The following PDZD2 variants were observed in gnomAD, a reference collection of about 807,000 sequenced individuals.
PDZD2 encodes PDZ domain containing 2, also known as PDZ domain-containing protein 2.
A neutral mutation model predicts 220.7 loss-of-function variants in PDZD2; 90 were observed. The ratio of observed to expected loss-of-function variants is 0.41; its 90% CI spans 0.34 to 0.49. The LOEUF is 0.49. Ranked by LOEUF, PDZD2 falls within the 20% of genes least tolerant of loss-of-function variation. PDZD2 has a pLI of 0.28. For synonymous variants in PDZD2, 1,375 were observed against 1,450.5 expected (o/e 0.95, Z 1.18); for missense variants, 3,174 against 3,608.5 (o/e 0.88, Z 3.08).
chr5:32,105,011 T>G (rs974333926), intron 24 of PDZD2, among the ~76,000 whole-genome samples: 1 of 151,806 alleles, frequency 6.6e-6, no homozygotes, highest in African/African-American at 2.4e-5. Context: ...GGCACGCACC[T>G]ATAGTCCCAG....
rs1742628994 is a variant in PDZD2 at position 32,087,678 on chromosome 5, C to T, written c.4230C>T (p.Val1410=). ...TDNTKEACGH[V]SGHCCPGGSR... is the part of the protein sequence containing the mutation. ...ACACCAAAGAAGCATGTGGCCATGT[C>T]TCGGGGCACTGCTGCCCAGGGGGGA... Residue 1410 remains valine (V), a synonymous_variant, in exon 20 of 25, where the codon GTC becomes GTT. Transcript: ENST00000438447. This position sits in a 1 kb window ranked among gnomAD's most constrained non-coding sequence, Gnocchi z 4.0. 1 of 1,614,062 alleles carries T rather than the reference C, an allele frequency of 6.2e-7. No homozygotes were observed. The highest frequency in any genetic ancestry group is 1.3e-5 in the African/African-American group (1 of 74,944).
chr5:31,713,810 G>C (rs1483246708), intron 1 of PDZD2, among the ~76,000 whole-genome samples: 1 of 152,178 alleles, frequency 6.6e-6, no homozygotes, highest in Admixed American at 6.5e-5. Context: ...GCCTCCCAAA[G>C]CGCTGGGATT....
intron 2 of PDZD2, among the ~76,000 whole-genome samples, chr5:31,961,131 G>C (rs1052426727): frequency 2.0e-5 from 3 of 152,190 alleles, no homozygotes; most frequent in Admixed American, 2.0e-4. Context: ...TGCAGGCTGG[G>C]GGAGTTATGT....
intron 3 of PDZD2, among the ~76,000 whole-genome samples, chr5:31,984,971 T>G (rs755256761): frequency 3.3e-5 from 5 of 152,166 alleles, no homozygotes; most frequent in South Asian, 2.1e-4. Context: ...ATTATGTTCC[T>G]TCATTTGAGG....
intron 5 of PDZD2, among the ~76,000 whole-genome samples, chr5:32,003,374 CA>C (rs1752515241): frequency 1.3e-5 from 1 of 76,366 alleles, no homozygotes; most frequent in African/African-American, 3.5e-5. Context: ...ACACACACAC[CA>C]CACACACACC....
intron 1 of PDZD2, among the ~76,000 whole-genome samples, chr5:31,727,429 G>A (rs767705703): frequency 1.3e-5 from 2 of 152,198 alleles, no homozygotes; most frequent in African/African-American, 4.8e-5. Flanking sequence ...TCACATGGCC[G>A]GGCGCGGTGG....
chr5:31,843,193 T>C (rs1757414786), intron 2 of PDZD2: 1 of 152,194 alleles, frequency 6.6e-6, no homozygotes, highest in Non-Finnish European at 1.5e-5. Context: ...TCACCCTTGT[T>C]TTTAATGACA....
chr5:31,894,705 A>G (rs1741380456), intron 2 of PDZD2, among the ~76,000 whole-genome samples: 1 of 152,104 alleles, frequency 6.6e-6, no homozygotes, highest in African/African-American at 2.4e-5. Context: ...GTTTGGGGTG[A>G]GCTGGTGTGA....
intron 2 of PDZD2, among the ~76,000 whole-genome samples, chr5:31,919,669 T>C (rs533114497): frequency 3.3e-5 from 5 of 150,604 alleles, no homozygotes; most frequent in African/African-American, 9.8e-5. Context: ...GACTTAATTT[T>C]TTTAGAGCAG....
chr5:31,976,052 T>A (rs1395440080), intron 2 of PDZD2, among the ~76,000 whole-genome samples: 1 of 151,960 alleles, frequency 6.6e-6, no homozygotes, highest in Non-Finnish European at 1.5e-5. Flanking sequence ...GCCAAAAAAA[T>A]TCCACCTTGA....
At chr5:31,774,484 C>T (rs1247523259) in intron 1 of PDZD2, among the ~76,000 whole-genome samples, 2 of 152,032 alleles carry the variant, frequency 1.3e-5, no homozygotes, top group African/African-American at 4.8e-5. Context: ...GAGACTGAGG[C>T]AGGCAGATCA....
At chr5:31,935,250 C>T (rs1745623578) in intron 2 of PDZD2, among the ~76,000 whole-genome samples, 1 of 152,142 alleles carries the variant, frequency 6.6e-6, no homozygotes, top group Non-Finnish European at 1.5e-5. Flanking sequence ...TTTATACCTG[C>T]ACCAAAGGTT....
At chr5:31,706,720 T>C (rs1012730439) in intron 1 of PDZD2, among the ~76,000 whole-genome samples, 1 of 151,826 alleles carries the variant, frequency 6.6e-6, no homozygotes, top group Non-Finnish European at 1.5e-5. Flanking sequence ...GGCGGGCGCC[T>C]GTAATCCCAG....
intron 1 of PDZD2, among the ~76,000 whole-genome samples, chr5:31,706,713 G>A (rs1319672079): frequency 6.6e-5 from 10 of 151,816 alleles, no homozygotes; most frequent in Non-Finnish European, 1.3e-4. Flanking sequence ...GTGTGATGGC[G>A]GGCGCCTGTA....
intron 1 of PDZD2, among the ~76,000 whole-genome samples, chr5:31,777,610 T>C (rs1036878794): frequency 1.3e-5 from 2 of 152,230 alleles, no homozygotes; most frequent in Non-Finnish European, 2.9e-5. Context: ...GGAGAACTTT[T>C]ATGCCTAGCC....
intron 1 of PDZD2, among the ~76,000 whole-genome samples, chr5:31,674,777 C>T (rs114934368): frequency 0.01 from 1,587 of 152,246 alleles, 8 homozygotes; most frequent in Middle Eastern, 0.048. Context: ...CTCTTTGTGG[C>T]GGGTATGGTA....
chr5:31,780,305 G>A (rs566218196), intron 1 of PDZD2, among the ~76,000 whole-genome samples: 1 of 109,120 alleles, frequency 9.2e-6, no homozygotes, highest in East Asian at 3.1e-4. Context: ...TGCGCCTTAA[G>A]GATGCCGGGG....
At chr5:31,802,680 G>A (rs1396340668) in intron 2 of PDZD2, among the ~76,000 whole-genome samples, 4 of 152,258 alleles carry the variant, frequency 2.6e-5, no homozygotes, top group East Asian at 3.9e-4. Context: ...CAGCACTTTG[G>A]GAGGCCGAGG....
At chr5:31,913,898 G>A (rs985711548) in intron 2 of PDZD2, among the ~76,000 whole-genome samples, 4 of 151,652 alleles carry the variant, frequency 2.6e-5, no homozygotes, top group African/African-American at 4.8e-5. Flanking sequence ...AGCAGCAAGC[G>A]GAGGAACATT....
Sources: allele counts gnomAD v4.1 joint callset (sites outside exome capture counted in the v4.1 genomes callset), GRCh38; gene constraint gnomAD v4.1.1; non-coding constraint Gnocchi (gnomAD v3.1); transcripts MANE v1.5; gene names NCBI Gene and HGNC (gene_info 2026-07-23, HGNC 2026-07-21).